The following GRM1 variants were observed in gnomAD, a reference collection of about 807,000 sequenced individuals.
GRM1 encodes the protein metabotropic glutamate receptor 1.
A neutral mutation model predicts 90.9 loss-of-function variants in GRM1; 33 were observed. That is an observed-to-expected ratio of 0.36 (90% CI 0.28 to 0.49). The LOEUF is 0.49. GRM1 is among the 20% of genes least tolerant of loss of function. The pLI is 0.99. For synonymous variants in GRM1, 700 were observed against 613.2 expected, an observed-to-expected ratio of 1.14 and a Z score of -2.09; for missense variants, 1,190 against 1,534.3, an observed-to-expected ratio of 0.78 and a Z score of 3.75.
At chr6:146,188,908 C>T (rs1456627163) in intron 2 of GRM1, among the ~76,000 whole-genome samples, 2 of 152,174 alleles carry the variant, frequency 1.3e-5, no homozygotes, top group Non-Finnish European at 2.9e-5. Flanking sequence ...CGTTTTTTAT[C>T]AGTTTTCTTA....
At chr6:146,419,324 A>G (rs1366253234) in intron 7 of GRM1, among the ~76,000 whole-genome samples, 2 of 152,216 alleles carry the variant, frequency 1.3e-5, no homozygotes, top group Non-Finnish European at 2.9e-5. Context: ...AATAGCTCCC[A>G]AGAAGAATAA....
At chr6:146,047,775 A>G (rs2128846035) in intron 1 of GRM1, among the ~76,000 whole-genome samples, 1 of 152,046 alleles carries the variant, frequency 6.6e-6, no homozygotes, top group East Asian at 1.9e-4. Flanking sequence ...TTAGTTTGAA[A>G]CTTATTGAAT....
In GRM1 at chr6:146,412,121, C is replaced by T. The variant is rs146088295; in HGVS notation, c.2660+12422C>T. Among the ~76,000 whole-genome samples, 113 of 152,280 alleles carry T rather than the reference C, an allele frequency of 7.4e-4. 2 individuals carry two copies. Among genetic ancestry groups the T allele is most frequent in the Admixed American group, 3.3e-3 (50 of 15,288 alleles). The stretch of plus-strand genomic sequence containing the variant: ...ACAAGCAATGGTCAAGTCTTGTCTC[C>T]CCTTACAAGTCTATTGATATATGTT... On this transcript the variant is annotated intron_variant, in intron 7 of 7. Transcript: ENST00000282753.
chr6:146,043,535 G>T (rs1313069807), intron 1 of GRM1, among the ~76,000 whole-genome samples: 1 of 151,550 alleles, frequency 6.6e-6, no homozygotes, highest in Non-Finnish European at 1.5e-5. Context: ...AGATTTAAAT[G>T]TTATGATAGT....
chr6:146,125,048 CTTG>C (rs1776146296), intron 1 of GRM1, among the ~76,000 whole-genome samples: 1 of 152,066 alleles, frequency 6.6e-6, no homozygotes, highest in African/African-American at 2.4e-5. Context: ...ATTGGTGTTA[CTTG>C]TTGTCACTCC....
At chr6:146,244,484 G>A (rs1440790952) in intron 2 of GRM1, among the ~76,000 whole-genome samples, 1 of 152,176 alleles carries the variant, frequency 6.6e-6, no homozygotes, top group African/African-American at 2.4e-5. Flanking sequence ...GTGTTTGGCA[G>A]AGGGAGGTAA....
intron 5 of GRM1, among the ~76,000 whole-genome samples, chr6:146,376,789 T>A (rs1776114520): frequency 6.6e-6 from 1 of 152,166 alleles, no homozygotes; most frequent in Non-Finnish European, 1.5e-5. Context: ...GTTCTATAAC[T>A]GATATGGTTT....
rs370883094 is a variant in GRM1, at chr6:146,304,851, C to T, written c.1186+5C>T. 1.8e-5 allele frequency: 28 copies of T among 1,565,660 alleles called. No homozygotes were observed. The highest frequency in any genetic ancestry group is 1.5e-5 in the Non-Finnish European group (17 of 1,136,002). ...ACTTTAAACGAATCTGCACAGGTAA[C>T]TCATGTTCACAAAATAACAACTCAG... On this transcript the variant is annotated splice_donor_5th_base_variant and intron_variant, in intron 3 of 7. Transcript: ENST00000282753.
intron 5 of GRM1, among the ~76,000 whole-genome samples, chr6:146,360,714 C>T (rs1775434951): frequency 6.6e-6 from 1 of 152,136 alleles, no homozygotes; most frequent in Non-Finnish European, 1.5e-5. Context: ...GGCAAGAGAT[C>T]CTGGAAAATG....
At chr6:146,134,699 G>A (rs1458923237) in intron 1 of GRM1, among the ~76,000 whole-genome samples, 1 of 152,158 alleles carries the variant, frequency 6.6e-6, no homozygotes, top group Non-Finnish European at 1.5e-5. Flanking sequence ...GGGAGGCCAT[G>A]GCGGGTGGAT....
At position 146,049,239 on chromosome 6, in the gene GRM1, C is replaced by T. The variant is rs555229584; in HGVS notation, c.700+19022C>T. 3.9e-5 allele frequency among the ~76,000 whole-genome samples: 6 copies of T among 152,008 alleles called. No homozygotes were observed. In the South Asian group the frequency reaches 8.3e-4, roughly 21 times the overall value. On this transcript the variant is annotated intron_variant, in intron 1 of 7. Coordinates refer to ENST00000282753, the MANE Select transcript of GRM1 (RefSeq NM_001278064.2). ...CAGCTTGACTTGATTAAGGGACACC[C>T]GGATAGCTGGTAAAGCATCATTTTT...
At chr6:146,050,637 G>A (rs1272549723) in intron 1 of GRM1, among the ~76,000 whole-genome samples, 1 of 152,002 alleles carries the variant, frequency 6.6e-6, no homozygotes, top group Non-Finnish European at 1.5e-5. Context: ...TTAGTAATGG[G>A]AGTTTACTGC....
intron 1 of GRM1, among the ~76,000 whole-genome samples, chr6:146,059,877 A>C (rs889061522): frequency 1.3e-5 from 2 of 152,116 alleles, no homozygotes; most frequent in Non-Finnish European, 2.9e-5. Context: ...TACCTCTCTA[A>C]GCCTTCATAG....
At chr6:146,178,272 C>T (rs1248449502) in intron 2 of GRM1, among the ~76,000 whole-genome samples, 1 of 152,118 alleles carries the variant, frequency 6.6e-6, no homozygotes, top group Non-Finnish European at 1.5e-5. Flanking sequence ...TAGCACTTGT[C>T]TAATGTTTTT....
At chr6:146,316,511 C>T (rs1317924805) in intron 3 of GRM1, among the ~76,000 whole-genome samples, 2 of 152,242 alleles carry the variant, frequency 1.3e-5, no homozygotes, top group Admixed American at 1.3e-4. Context: ...ATCAGCCTCT[C>T]TAAGTCCCTA....
intron 6 of GRM1, among the ~76,000 whole-genome samples, chr6:146,396,543 A>G (rs909676854): frequency 2.6e-5 from 4 of 152,194 alleles, no homozygotes; most frequent in South Asian, 2.1e-4. Flanking sequence ...ATGTTCCTCT[A>G]ATGTTTATGA....
At chr6:146,286,863 G>A (rs1395820538) in intron 2 of GRM1, among the ~76,000 whole-genome samples, 1 of 152,148 alleles carries the variant, frequency 6.6e-6, no homozygotes, top group Non-Finnish European at 1.5e-5. Flanking sequence ...AGATTTTTAT[G>A]AAATAGTAAA....
chr6:146,326,165 A>G (rs1784392156), intron 3 of GRM1, among the ~76,000 whole-genome samples: 1 of 152,228 alleles, frequency 6.6e-6, no homozygotes, highest in African/African-American at 2.4e-5. Flanking sequence ...AGTTTTTCAC[A>G]ATAGCAACGA....
At chr6:146,239,882 A>G (rs1413822839) in intron 2 of GRM1, among the ~76,000 whole-genome samples, 1 of 152,126 alleles carries the variant, frequency 6.6e-6, no homozygotes. Context: ...GTAGTCCAAC[A>G]GTCTCCATTT....
Sources: gnomAD v4.1 joint callset for allele counts (sites outside exome capture counted in the v4.1 genomes callset) on GRCh38, gnomAD v4.1.1 for gene constraint, MANE v1.5 for transcripts, NCBI Gene and HGNC (gene_info 2026-07-23, HGNC 2026-07-21) for gene names.